The following SOX5 variants were observed in gnomAD, a reference collection of about 807,000 sequenced individuals.
SOX5 encodes the protein SRY-box transcription factor 5, also known as transcription factor SOX-5.
In SOX5, 9 loss-of-function variants were observed where a neutral mutation model predicts 92.0. The ratio of observed to expected loss-of-function variants is 0.10; its 90% confidence interval spans 0.06 to 0.17. SOX5 has a LOEUF of 0.17. Ranked by LOEUF, SOX5 falls within the 10% of genes least tolerant of loss-of-function variation. The pLI, the probability that SOX5 is intolerant of heterozygous loss-of-function variation, is 1.00. For synonymous variants in SOX5, 344 were observed against 336.3 expected, an observed-to-expected ratio of 1.02 and a Z score of -0.25; for missense variants, 642 against 944.5, an observed-to-expected ratio of 0.68 and a Z score of 4.20.
chr12:23,860,972 A>AAAAAAAAAAAAAAAAAAAAAC, intron 2 of SOX5, among the ~76,000 whole-genome samples: 1 of 146,432 alleles, frequency 6.8e-6, no homozygotes, highest in Admixed American at 6.8e-5. Flanking sequence ...AAAAAAAAAA[A>AAAAAAAAAAAAAAAAAAAAAC]AAAAAACCCT....
intron 9 of SOX5, among the ~76,000 whole-genome samples, chr12:23,593,934 G>T (rs185377581): frequency 6.6e-6 from 1 of 152,036 alleles, no homozygotes; most frequent in East Asian, 1.9e-4. Context: ...AGAAATTTGG[G>T]TGTTTTTTCT....
At chr12:24,363,617 T>C (rs949177268) in intron 2 of SOX5, among the ~76,000 whole-genome samples, 1 of 151,980 alleles carries the variant, frequency 6.6e-6, no homozygotes, top group African/African-American at 2.4e-5. Context: ...TAAGGAATAA[T>C]CATAAATCAT....
At position 23,810,154 on chromosome 12, in the gene SOX5, A is replaced by T. The variant is rs78478745; in HGVS notation, c.481+35829T>A. Among the ~76,000 whole-genome samples, 1,477 of 152,260 alleles carry T rather than the reference A, an allele frequency of 9.7e-3. 28 individuals carry two copies. Among genetic ancestry groups the T allele is most frequent in the African/African-American group, 0.034 (1,424 of 41,550 alleles). The stretch of plus-strand genomic sequence containing the variant: ...CTATCTTCTGTCTCCTAACTTCTTT[A>T]TGATATCTCGCCTTTTTATGCTTTC... On this transcript the variant is annotated intron_variant, in intron 3 of 14. Transcript: ENST00000451604.
At chr12:23,642,413 T>C (rs1458022840) in intron 7 of SOX5, among the ~76,000 whole-genome samples, 2 of 152,188 alleles carry the variant, frequency 1.3e-5, no homozygotes, top group African/African-American at 2.4e-5. Flanking sequence ...TAGTCTAATA[T>C]GTTAAAGACA....
chr12:23,659,185 A>G lies in SOX5; in HGVS notation c.931+6259T>C, dbSNP rs1004210493. 6.6e-5 allele frequency among the ~76,000 whole-genome samples: 10 copies of G among 152,192 alleles called. No homozygotes were observed. In the East Asian group the frequency reaches 1.3e-3, roughly 21 times the overall value. On this transcript the variant is annotated intron_variant, in intron 7 of 14. Coordinates refer to ENST00000451604, the MANE Select transcript of SOX5 (RefSeq NM_006940.6). The stretch of plus-strand genomic sequence containing the variant: ...AATGCCAGACACGTGAACTCTTTGC[A>G]TAAGAGATATAATGGAACCCACATG...
chr12:23,949,791 TC>T, upstream of SOX5: 2 of 506,766 alleles, frequency 3.9e-6, no homozygotes, highest in Non-Finnish European at 6.6e-6. Flanking sequence ...TCTCTCTCTC[TC>T]TTTCTCCCCC....
At chr12:24,447,906 C>T (rs181942226) in intron 1 of SOX5, among the ~76,000 whole-genome samples, 190 of 152,160 alleles carry the variant, frequency 1.2e-3, no homozygotes, top group African/African-American at 4.5e-3. Flanking sequence ...TGTGGCCGGG[C>T]GTGGTGGCTC....
intron 1 of SOX5, among the ~76,000 whole-genome samples, chr12:24,494,196 C>T (rs1025603215): frequency 2.0e-5 from 3 of 152,234 alleles, no homozygotes; most frequent in East Asian, 1.9e-4. Context: ...CATACACTTT[C>T]GTTCCCCCTA....
chr12:24,387,666 G>A (rs1958570968), intron 1 of SOX5, among the ~76,000 whole-genome samples: 1 of 152,080 alleles, frequency 6.6e-6, no homozygotes, highest in Non-Finnish European at 1.5e-5. Context: ...TTCTTACAGG[G>A]AATATTAAGG....
At chr12:23,707,828 C>A (rs532279170) in intron 6 of SOX5, among the ~76,000 whole-genome samples, 2 of 152,128 alleles carry the variant, frequency 1.3e-5, no homozygotes, top group South Asian at 4.1e-4. Flanking sequence ...TTAAAACAAT[C>A]TGAAAATGTG....
intron 2 of SOX5, among the ~76,000 whole-genome samples, chr12:23,878,140 T>C (rs964911239): frequency 4.6e-5 from 7 of 152,172 alleles, no homozygotes; most frequent in African/African-American, 1.4e-4. Context: ...TTTTAAAGCA[T>C]GTAATTAATT....
chr12:23,745,384 T>C (rs2093946816), intron 4 of SOX5, among the ~76,000 whole-genome samples: 1 of 152,166 alleles, frequency 6.6e-6, no homozygotes, highest in Non-Finnish European at 1.5e-5. Flanking sequence ...CCAAAATTAC[T>C]TTCCTAGATA....
chr12:23,892,491 C>T (rs1220419637), intron 2 of SOX5, among the ~76,000 whole-genome samples: 1 of 152,070 alleles, frequency 6.6e-6, no homozygotes, highest in Non-Finnish European at 1.5e-5. Flanking sequence ...TGGACTAAAT[C>T]CTATGTGCAA....
intron 1 of SOX5, among the ~76,000 whole-genome samples, chr12:24,401,708 T>TAAAAAAAAAAAAAAAA (rs71063321): frequency 2.0e-5 from 2 of 99,462 alleles, no homozygotes; most frequent in African/African-American, 7.9e-5. Flanking sequence ...ACCCTATCTT[T>TAAAAAAAAAAAAAAAA]AAAAAAAAAA....
chr12:24,075,458 A>G (rs1942447008), intron 4 of SOX5, among the ~76,000 whole-genome samples: 1 of 152,066 alleles, frequency 6.6e-6, no homozygotes, highest in South Asian at 2.1e-4. Context: ...GCTATGACCT[A>G]CATTATCTGG....
chr12:23,786,302 A>G (rs2095376002), intron 3 of SOX5, among the ~76,000 whole-genome samples: 1 of 152,024 alleles, frequency 6.6e-6, no homozygotes, highest in Non-Finnish European at 1.5e-5. Flanking sequence ...CAGTAAGTTC[A>G]AACTATTGTA....
At chr12:24,184,377 A>G (rs1955818080) in intron 4 of SOX5, among the ~76,000 whole-genome samples, 1 of 152,180 alleles carries the variant, frequency 6.6e-6, no homozygotes, top group Non-Finnish European at 1.5e-5. Flanking sequence ...AACCAAAATG[A>G]TTACATTTAA....
chr12:24,325,381 A>G (rs1259585799), intron 2 of SOX5, among the ~76,000 whole-genome samples: 1 of 152,210 alleles, frequency 6.6e-6, no homozygotes, highest in African/African-American at 2.4e-5. Flanking sequence ...ATCAATGTTT[A>G]TCATATCTCA....
intron 3 of SOX5, among the ~76,000 whole-genome samples, chr12:23,779,744 C>T (rs2095222027): frequency 7.2e-6 from 1 of 138,536 alleles, no homozygotes; most frequent in Admixed American, 7.4e-5. Context: ...GGGAAATTTC[C>T]CAAAAGCTTT....
Sources: allele counts gnomAD v4.1 joint callset (sites outside exome capture counted in the v4.1 genomes callset), GRCh38; gene constraint gnomAD v4.1.1; transcripts MANE v1.5; gene names NCBI Gene and HGNC (gene_info 2026-07-23, HGNC 2026-07-21).